The following FBXL17 variants were observed in gnomAD, a reference collection of about 807,000 sequenced individuals.
FBXL17 encodes the protein F-box and leucine rich repeat protein 17.
Under a neutral mutation model 66.2 loss-of-function variants are expected in FBXL17, and 22 were observed. That is an observed-to-expected ratio of 0.33 (90% CI 0.24 to 0.47). The LOEUF (loss-of-function observed/expected upper bound fraction) is 0.47, where lower values mean the gene tolerates loss of function less well. Ranked by LOEUF, FBXL17 falls within the 20% of genes least tolerant of loss-of-function variation. The pLI is 1.00. For synonymous variants in FBXL17, 474 were observed against 400.5 expected, an observed-to-expected ratio of 1.18 and a Z score of -2.19; for missense variants, 878 against 948.2, an observed-to-expected ratio of 0.93 and a Z score of 0.97.
At chr5:107,895,736 T>TGGGAATA (rs1434335710) in intron 7 of FBXL17, among the ~76,000 whole-genome samples, 5 of 152,264 alleles carry the variant, frequency 3.3e-5, no homozygotes, top group African/African-American at 1.2e-4. Flanking sequence ...GGTTATCTGT[T>TGGGAATA]GGGAATATGG....
At chr5:108,093,327 GA>G (rs1169374659) in intron 6 of FBXL17, among the ~76,000 whole-genome samples, 2 of 150,616 alleles carry the variant, frequency 1.3e-5, no homozygotes, top group South Asian at 2.1e-4. Context: ...TGTTCCCCTG[GA>G]ACTACTGCCC....
chr5:108,330,272 C>A (rs549507831), intron 4 of FBXL17, among the ~76,000 whole-genome samples: 1 of 152,264 alleles, frequency 6.6e-6, no homozygotes, highest in African/African-American at 2.4e-5. Flanking sequence ...CTGCTATGAA[C>A]CACGTGATAA....
chr5:108,348,946 A>G (rs1413322869), intron 3 of FBXL17, among the ~76,000 whole-genome samples: 1 of 152,088 alleles, frequency 6.6e-6, no homozygotes, highest in Non-Finnish European at 1.5e-5. Context: ...CTGGGAGTAC[A>G]GGTGTGTGCC....
chr5:107,989,939 G>T lies in FBXL17; in HGVS notation c.1822+30986C>A, dbSNP rs1295016640. ...TACATGAAAAGGACCACCACTGCTG[G>T]GCTCTAGAAGAAAGCTGTGAAGTTC... is the stretch of plus-strand genomic sequence containing the variant. On this transcript the variant is annotated intron_variant, in intron 7 of 8. Transcript: ENST00000542267. Among the ~76,000 whole-genome samples, 4 of 152,070 alleles carry T rather than the reference G, an allele frequency of 2.6e-5. 1 individual carries two copies. The East Asian group carries it at 7.7e-4, about 29-fold the overall frequency.
intron 6 of FBXL17, among the ~76,000 whole-genome samples, chr5:108,181,411 C>T (rs1160298308): frequency 6.6e-6 from 1 of 151,994 alleles, no homozygotes; most frequent in African/African-American, 2.4e-5. Context: ...AAGAAAATAT[C>T]ATGCTGTTTA....
At chr5:107,929,747 C>T (rs1354442327) in intron 7 of FBXL17, among the ~76,000 whole-genome samples, 1 of 152,050 alleles carries the variant, frequency 6.6e-6, no homozygotes, top group Non-Finnish European at 1.5e-5. Context: ...CCTGTAGGAG[C>T]ATCACCTGTT....
intron 4 of FBXL17, among the ~76,000 whole-genome samples, chr5:108,291,122 T>A (rs1758095528): frequency 1.3e-5 from 2 of 152,184 alleles, no homozygotes; most frequent in Non-Finnish European, 2.9e-5. Flanking sequence ...AGCTATTAAA[T>A]ATTGGACTAG....
At chr5:107,886,507 G>A (rs898472471) in intron 7 of FBXL17, among the ~76,000 whole-genome samples, 10 of 152,012 alleles carry the variant, frequency 6.6e-5, no homozygotes, top group African/African-American at 2.2e-4. Context: ...TAGAGAAATG[G>A]CTGATTCCAG....
At chr5:108,284,881 T>A (rs979210269) in intron 4 of FBXL17, among the ~76,000 whole-genome samples, 3 of 151,828 alleles carry the variant, frequency 2.0e-5, no homozygotes, top group Non-Finnish European at 4.4e-5. Context: ...GTTTGATGTA[T>A]CAATGAACTC....
chr5:108,333,266 A>T (rs928221292), intron 4 of FBXL17, among the ~76,000 whole-genome samples: 2 of 151,642 alleles, frequency 1.3e-5, no homozygotes, highest in Non-Finnish European at 2.9e-5. Flanking sequence ...ACAATGCAAC[A>T]TAATATATAT....
chr5:107,871,073 A>AAAAAAAAAAAAAAAAAAAAAAAT (rs1748440130), intron 8 of FBXL17, among the ~76,000 whole-genome samples: 1 of 150,768 alleles, frequency 6.6e-6, no homozygotes. Flanking sequence ...AAAAAAAAAA[A>AAAAAAAAAAAAAAAAAAAAAAAT]AAAAAACCTC....
chr5:108,263,494 C>T (rs1412653710), intron 4 of FBXL17, among the ~76,000 whole-genome samples: 1 of 152,110 alleles, frequency 6.6e-6, no homozygotes, highest in African/African-American at 2.4e-5. Flanking sequence ...AAAATAATTA[C>T]ATGTTTACAT....
intron 6 of FBXL17, among the ~76,000 whole-genome samples, chr5:108,094,991 C>A (rs1440080262): frequency 6.6e-6 from 1 of 151,990 alleles, no homozygotes; most frequent in Non-Finnish European, 1.5e-5. Context: ...GCAATCATCA[C>A]ACTGAGGAAA....
chr5:108,183,034 A>ATTTTTTTTTTTTT (rs34101023), intron 6 of FBXL17, among the ~76,000 whole-genome samples: 1 of 91,556 alleles, frequency 1.1e-5, no homozygotes, highest in Non-Finnish European at 2.2e-5. Flanking sequence ...ACAGTTTTCT[A>ATTTTTTTTTTTTT]TTTTTTTTTT....
At chr5:107,941,149 C>T (rs1354785273) in intron 7 of FBXL17, among the ~76,000 whole-genome samples, 3 of 150,528 alleles carry the variant, frequency 2.0e-5, no homozygotes, top group Admixed American at 6.6e-5. Context: ...CTTTTTTCTG[C>T]GATTACATTT....
At chr5:108,122,941 T>C (rs1443376161) in intron 6 of FBXL17, among the ~76,000 whole-genome samples, 1 of 151,974 alleles carries the variant, frequency 6.6e-6, no homozygotes, top group African/African-American at 2.4e-5. Flanking sequence ...TAAGAGCATC[T>C]GCTTCTAATA....
chr5:107,928,388 T>C (rs1344880749), intron 7 of FBXL17, among the ~76,000 whole-genome samples: 1 of 151,740 alleles, frequency 6.6e-6, no homozygotes, highest in Non-Finnish European at 1.5e-5. Flanking sequence ...GGCTCTAGGA[T>C]TCTTTCCAAG....
At chr5:108,341,938 T>C (rs1746907879) in intron 4 of FBXL17, among the ~76,000 whole-genome samples, 1 of 152,182 alleles carries the variant, frequency 6.6e-6, no homozygotes, top group Non-Finnish European at 1.5e-5. Context: ...ATTTATAGGA[T>C]TTTCAGATTC....
chr5:108,309,481 T>C (rs1054928953), intron 4 of FBXL17, among the ~76,000 whole-genome samples: 23 of 151,902 alleles, frequency 1.5e-4, no homozygotes, highest in Non-Finnish European at 2.8e-4. Flanking sequence ...ACAATCAAGA[T>C]GCCTACCAAG....
Sources: allele counts gnomAD v4.1 joint callset (sites outside exome capture counted in the v4.1 genomes callset), GRCh38; gene constraint gnomAD v4.1.1; transcripts MANE v1.5; gene names NCBI Gene and HGNC (gene_info 2026-07-23, HGNC 2026-07-21).